ACSL1: variants seen among roughly 807,000 people sequenced by gnomAD.
ACSL1 encodes acyl-CoA synthetase long chain family member 1.
ACSL1 carries 41 observed loss-of-function variants against 98.4 expected under a neutral mutation model. The ratio of observed to expected loss-of-function variants is 0.42; its 90% CI spans 0.32 to 0.54. ACSL1 has a LOEUF of 0.54. Among genes scored for constraint, ACSL1 ranks in the 20% least tolerant of loss-of-function variants. ACSL1 has a pLI of 0.13. For synonymous variants in ACSL1, 316 were observed against 322.7 expected (o/e 0.98, Z 0.22); for missense variants, 734 against 883.1 (o/e 0.83, Z 2.14).
Position 184,773,708 on chromosome 4 carries a change from C to G in ACSL1, c.796G>C (p.Ala266Pro). Residue 266 changes from alanine to proline, a missense_variant, in exon 9 of 21, where the codon GCA (alanine) becomes CCA (proline). Physicochemically the swap from Ala to Pro is conservative, Grantham distance 27. Coordinates refer to ENST00000281455, the MANE Select transcript of ACSL1 (RefSeq NM_001995.5). The surrounding 1 kb of genome is among the most constrained non-coding windows in gnomAD (Gnocchi z 4.3). Reference sequence around the variant, plus strand: ...CAAATTACTGCAAGATCTTCAGGTGCTGGAGGCTAAAGATTAAAAAAAAAA... The same window carrying G: ...CAAATTACTGCAAGATCTTCAGGTGGTGGAGGCTAAAGATTAAAAAAAAAA... ...RANRRKPKPP[A>P]PEDLAVICFT... 1 of 1,607,872 alleles carries G rather than the reference C, an allele frequency of 6.2e-7. No individual in the cohort carries two copies. Among genetic ancestry groups the G allele is most frequent in the Non-Finnish European group, 8.5e-7 (1 of 1,178,550 alleles).
chr4:184,804,122 T>A (rs1052632510), intron 1 of ACSL1, among the ~76,000 whole-genome samples: 4 of 152,206 alleles, frequency 2.6e-5, no homozygotes, highest in African/African-American at 9.7e-5. Context: ...GGGAAACCCA[T>A]AGTTGGCTAT....
intron 1 of ACSL1, among the ~76,000 whole-genome samples, chr4:184,814,201 G>C (rs1310839231): frequency 6.9e-6 from 1 of 143,934 alleles, no homozygotes; most frequent in African/African-American, 2.5e-5. Context: ...TGAGGCAGGA[G>C]AATGGCATGA....
chr4:184,811,298 G>C (rs1772064657), intron 1 of ACSL1, among the ~76,000 whole-genome samples: 1 of 151,808 alleles, frequency 6.6e-6, no homozygotes, highest in Non-Finnish European at 1.5e-5. Context: ...ATTTTTAGTA[G>C]AGACGGGGTT....
At chr4:184,768,173 T>C (rs1763910541) in intron 12 of ACSL1, 143 bp downstream of exon 12, 1 of 870,556 alleles carries the variant, frequency 1.1e-6, no homozygotes, top group South Asian at 2.1e-5. Context: ...ATTCTAACTT[T>C]ACAGATGAGT....
At position 184,811,726 on chromosome 4, in the gene ACSL1, G is replaced by C. The variant is rs557945080; in HGVS notation, c.-32-8180C>G. Among the ~76,000 whole-genome samples the C allele has an allele frequency of 5.3e-5, 8 of 152,240 alleles. No homozygotes were observed. In the South Asian group the frequency reaches 1.7e-3, roughly 32 times the overall value. On this transcript the variant is annotated intron_variant, in intron 1 of 20. Transcript: ENST00000281455. ...GGGATGACGAAACATTCTGGAACTA[G>C]ATGGTGGTAATGGTTATACAACCCT...
At chr4:184,805,471 T>C in intron 1 of ACSL1, 1 of 985,410 alleles carries the variant, frequency 1.0e-6, no homozygotes, top group Non-Finnish European at 1.2e-6. Context: ...GATAAGCAGA[T>C]TTCTTCAGGC....
intron 1 of ACSL1, among the ~76,000 whole-genome samples, chr4:184,810,839 A>G (rs185103351): frequency 6.6e-6 from 1 of 152,298 alleles, no homozygotes; most frequent in East Asian, 1.9e-4. Flanking sequence ...GTGCTGTGCT[A>G]CGGGACTGCG....
Position 184,788,707 on chromosome 4 carries a change from C to T in ACSL1, c.220G>A (p.Ala74Thr), listed in dbSNP as rs762658676. Residue 74 changes from alanine to threonine, a missense_variant, in exon 3 of 21, where the codon GCA becomes ACA. Coordinates refer to ENST00000281455, the MANE Select transcript of ACSL1 (RefSeq NM_001995.5). ...AAGGGCTCGTCGCTGTCAAGTAGTG[C>T]GGATCTTCGTGCACCACCACTACCC... is the stretch of plus-strand genomic sequence containing the variant. ...VAGSGGARRS[A>T]LLDSDEPLVY... 5.8e-5 allele frequency: 93 copies of T among 1,613,958 alleles called. No homozygotes were observed. Among genetic ancestry groups the T allele is most frequent in the Non-Finnish European group, 7.0e-5 (83 of 1,180,006 alleles).
At chr4:184,812,135 T>C (rs1390671369) in intron 1 of ACSL1, 5 of 960,696 alleles carry the variant, frequency 5.2e-6, no homozygotes, top group Non-Finnish European at 5.0e-6. Context: ...TGTGTGGTAC[T>C]TAGCACCTCC....
rs200813319 is a variant in ACSL1, at chr4:184,768,454, T to C, written c.994-4A>G. The C allele has an allele frequency of 3.1e-6, 5 of 1,603,976 alleles. No individual in the cohort carries two copies. Among genetic ancestry groups the C allele is most frequent in the South Asian group, 1.1e-5 (1 of 88,996 alleles). ...CTCCATGACACAGCATTACACACTA[T>C]AGGGGTAATGGAAAAAACAAACATT... is the stretch of plus-strand genomic sequence containing the variant. On this transcript the variant is annotated splice_region_variant and splice_polypyrimidine_tract_variant and intron_variant, in intron 11 of 20. Transcript: ENST00000281455.
intron 1 of ACSL1, among the ~76,000 whole-genome samples, chr4:184,819,766 G>T (rs1772916198): frequency 6.6e-6 from 1 of 152,122 alleles, no homozygotes; most frequent in Non-Finnish European, 1.5e-5. Context: ...AGCCTGGAAG[G>T]CTTCTGCTTA....
Position 184,790,113 on chromosome 4 carries a change from G to A in ACSL1, c.196-1382C>T, listed in dbSNP as rs111543597. Among the ~76,000 whole-genome samples, 715 of 152,232 alleles carry A rather than the reference G, an allele frequency of 4.7e-3. 7 individuals are homozygous for A. Among genetic ancestry groups the A allele is most frequent in the African/African-American group, 0.016 (685 of 41,528 alleles). On this transcript the variant is annotated intron_variant, in intron 2 of 20. Transcript: ENST00000281455. ...GTAGGGCGGCAGGCTGAGGAGGGCC[G>A]CGCTGAGGAGGAAGTGGATGGGTGC...
Position 184,803,283 on chromosome 4 carries a change from G to A in ACSL1, c.195+37C>T, listed in dbSNP as rs770632293. 4.0e-6 allele frequency: 6 copies of A among 1,485,832 alleles called. No homozygotes were observed. In the Admixed American group the frequency reaches 1.4e-4, roughly 35 times the overall value. The allele number at this position is 1,485,832 out of a possible 1,614,324, so 92.0% of individuals were successfully genotyped here. A position where few individuals can be genotyped will look rare whatever the true frequency, so the allele number is the denominator to read the frequency against. Reference sequence around the variant, plus strand: ...GGCTCAGCTCATCTGGGGAAATGCGGAGAAAACGCACGAGGCAGGCTGGGC... The same window carrying A: ...GGCTCAGCTCATCTGGGGAAATGCGAAGAAAACGCACGAGGCAGGCTGGGC... On this transcript the variant is annotated intron_variant, in intron 2 of 20. Coordinates refer to ENST00000281455, the MANE Select transcript of ACSL1 (RefSeq NM_001995.5). This position sits in a 1 kb window ranked among gnomAD's most constrained non-coding sequence, Gnocchi z 4.8.
rs10538881 is a variant in ACSL1 at position 184,819,140 on chromosome 4, CTTTTTTT to C, written c.-33+6769_-33+6775del. Among the ~76,000 whole-genome samples, 6 of 129,822 alleles carry C rather than the reference CTTTTTTT, an allele frequency of 4.6e-5. No individual in the cohort carries two copies. The South Asian group carries it at 1.2e-3, about 26-fold the overall frequency. The allele number at this position is 129,822 out of a possible 152,430, so 85.2% of individuals were successfully genotyped here. ...ATGGGCATCGTACCATTTAGATGTA[CTTTTTTT>C]TTTTTTTTTTTTGGAGACAGAGCCT... On this transcript the variant is annotated intron_variant, in intron 1 of 20. Transcript: ENST00000281455.
intron 4 of ACSL1, among the ~76,000 whole-genome samples, chr4:184,783,650 G>A (rs1238443981): frequency 6.6e-6 from 1 of 152,192 alleles, no homozygotes; most frequent in African/African-American, 2.4e-5. Context: ...GGGACCGGGA[G>A]AGTTTCTAGA....
In ACSL1 at chr4:184,757,222, T is replaced by C. The variant is rs188714503; in HGVS notation, c.2000A>G (p.Asn667Ser). ...CTTCATTGTTGGAGTCAGAAGGCCA[T>C]TGTCGATAGAAAATAATTCAGGGTG... ...TLHPELFSID[N>S]GLLTPTMKAK... is the part of the protein sequence containing the mutation. The change falls in exon 21 of 21, where the codon AAT becomes AGT. Residue 667 changes from asparagine to serine, a missense_variant. By Grantham distance (46) the Asn-to-Ser change is conservative. Transcript: ENST00000281455. The surrounding 1 kb of genome is among the most constrained non-coding windows in gnomAD (Gnocchi z 4.5). 5.0e-5 allele frequency: 80 copies of C among 1,608,694 alleles called. No homozygotes were observed. In the East Asian group the frequency reaches 1.3e-3, roughly 27 times the overall value.
At chr4:184,792,045 GTTAGGT>G (rs1768467186) in intron 2 of ACSL1, among the ~76,000 whole-genome samples, 2 of 152,160 alleles carry the variant, frequency 1.3e-5, no homozygotes, top group African/African-American at 2.4e-5. Flanking sequence ...TAATTTTTTA[GTTAGGT>G]TTAAGTTTTT....
intron 1 of ACSL1, among the ~76,000 whole-genome samples, chr4:184,808,998 G>T (rs1408145553): frequency 6.6e-6 from 1 of 152,158 alleles, no homozygotes; most frequent in Non-Finnish European, 1.5e-5. Context: ...GTTCCACAGG[G>T]AGTCAGTTAT....
intron 1 of ACSL1, among the ~76,000 whole-genome samples, chr4:184,816,943 A>T (rs549711671): frequency 1.3e-5 from 2 of 152,312 alleles, no homozygotes; most frequent in East Asian, 3.9e-4. Context: ...TTATCATGCA[A>T]GAAAAACGCC....
Sources: allele counts gnomAD v4.1 joint callset (sites outside exome capture counted in the v4.1 genomes callset), GRCh38; gene constraint gnomAD v4.1.1; non-coding constraint Gnocchi (gnomAD v3.1); transcripts MANE v1.5; gene names NCBI Gene and HGNC (gene_info 2026-07-23, HGNC 2026-07-21).